The following TSHZ2 variants were observed in gnomAD, a reference collection of about 807,000 sequenced individuals.
TSHZ2 encodes teashirt zinc finger homeobox 2.
Under a neutral mutation model 74.4 loss-of-function variants are expected in TSHZ2, and 21 were observed. That is an observed-to-expected ratio of 0.28 (90% CI 0.20 to 0.41). The LOEUF is 0.41. TSHZ2 is among the 10% of genes least tolerant of loss of function. The pLI is 1.00. For synonymous variants in TSHZ2, 540 were observed against 515.3 expected (o/e 1.05, Z -0.65); for missense variants, 1,244 against 1,293.5 (o/e 0.96, Z 0.59).
intron 1 of TSHZ2, among the ~76,000 whole-genome samples, chr20:53,111,946 G>C (rs1986545014): frequency 6.6e-6 from 1 of 152,154 alleles, no homozygotes; most frequent in Non-Finnish European, 1.5e-5. Context: ...CCATGCCTTG[G>C]TGCTGCCACC....
intron 1 of TSHZ2, among the ~76,000 whole-genome samples, chr20:53,147,793 T>C (rs529368329): frequency 2.0e-3 from 300 of 152,352 alleles, no homozygotes; most frequent in African/African-American, 6.6e-3. Flanking sequence ...CTCTGCTCAC[T>C]GCAACCTCCA....
At chr20:53,125,288 A>T (rs1986916563) in intron 1 of TSHZ2, among the ~76,000 whole-genome samples, 1 of 152,232 alleles carries the variant, frequency 6.6e-6, no homozygotes, top group African/African-American at 2.4e-5. Flanking sequence ...GTCAACAGCA[A>T]GTCCTCCCTG....
chr20:53,375,725 T>A (rs886534886), intron 2 of TSHZ2, among the ~76,000 whole-genome samples: 13 of 152,120 alleles, frequency 8.5e-5, no homozygotes, highest in African/African-American at 3.1e-4. Flanking sequence ...AAATTGCCAT[T>A]TGCCCTTTTT....
chr20:53,308,137 A>C (rs1996016), intron 2 of TSHZ2, among the ~76,000 whole-genome samples: 19,101 of 152,220 alleles, frequency 0.13, 1,444 homozygotes, highest in African/African-American at 0.2. Flanking sequence ...ATATTTATCA[A>C]ATGGAGAAAA....
At chr20:53,368,541 C>T (rs998077320) in intron 2 of TSHZ2, among the ~76,000 whole-genome samples, 7 of 152,156 alleles carry the variant, frequency 4.6e-5, no homozygotes, top group Non-Finnish European at 1.0e-4. Context: ...GAACTCCTGA[C>T]CTCAAGTGAT....
intron 1 of TSHZ2, among the ~76,000 whole-genome samples, chr20:53,149,340 G>C (rs972408675): frequency 3.3e-4 from 50 of 152,056 alleles, no homozygotes; most frequent in Admixed American, 2.0e-4. Flanking sequence ...TTCTGGAAGG[G>C]CTCAGTGTCT....
chr20:53,478,431 A>G (rs1986046797), intron 2 of TSHZ2, among the ~76,000 whole-genome samples: 1 of 149,918 alleles, frequency 6.7e-6, no homozygotes, highest in African/African-American at 2.5e-5. Flanking sequence ...CAAACACTGC[A>G]TATTCTCACT....
intron 1 of TSHZ2, among the ~76,000 whole-genome samples, chr20:53,008,066 C>A (rs1291222803): frequency 1.3e-5 from 2 of 151,406 alleles, no homozygotes; most frequent in East Asian, 1.9e-4. Flanking sequence ...ATATTCAAGG[C>A]AAAAAAGACC....
intron 2 of TSHZ2, among the ~76,000 whole-genome samples, chr20:53,479,441 A>G (rs1986086977): frequency 6.6e-6 from 1 of 152,176 alleles, no homozygotes; most frequent in Non-Finnish European, 1.5e-5. Flanking sequence ...CACCGTGAAC[A>G]TGTCAGTGGT....
intron 2 of TSHZ2, among the ~76,000 whole-genome samples, chr20:53,339,358 C>A (rs1980084472): frequency 6.6e-6 from 1 of 152,056 alleles, no homozygotes; most frequent in African/African-American, 2.4e-5. Flanking sequence ...TTGTCCCCAG[C>A]CTCAAGCTCT....
chr20:53,147,567 G>T (rs1385997284), intron 1 of TSHZ2, among the ~76,000 whole-genome samples: 2 of 152,122 alleles, frequency 1.3e-5, no homozygotes, highest in Non-Finnish European at 2.9e-5. Context: ...CATTAGAAAA[G>T]AAATTTTTGA....
chr20:53,192,308 C>T (rs199961923), intron 1 of TSHZ2, among the ~76,000 whole-genome samples: 1 of 140,048 alleles, frequency 7.1e-6, no homozygotes, highest in Non-Finnish European at 1.6e-5. Flanking sequence ...AAAAAAAAAA[C>T]AAAAAAACAA....
intron 2 of TSHZ2, among the ~76,000 whole-genome samples, chr20:53,409,107 T>C (rs1982950761): frequency 6.6e-6 from 1 of 152,196 alleles, no homozygotes; most frequent in African/African-American, 2.4e-5. Flanking sequence ...CTGTATCATA[T>C]TGCTGAGAGC....
rs575787388 is a variant in TSHZ2, at chr20:53,036,874, G to A, written c.40+63541G>A. On this transcript the variant is annotated intron_variant, in intron 1 of 2. Coordinates refer to ENST00000371497, the MANE Select transcript of TSHZ2 (RefSeq NM_173485.6). ...ATGTGTAGATAGACATCTCTTTAAT[G>A]GAATCATATTGCTTATATTTGCTGT... Among the ~76,000 whole-genome samples, 66 of 149,508 alleles carry A rather than the reference G, an allele frequency of 4.4e-4. 1 individual carries two copies. In the South Asian group the frequency reaches 0.013, roughly 29 times the overall value.
At chr20:53,187,236 A>G (rs1988621197) in intron 1 of TSHZ2, among the ~76,000 whole-genome samples, 1 of 152,160 alleles carries the variant, frequency 6.6e-6, no homozygotes. Flanking sequence ...CCAAGAAAAC[A>G]TTGCAGTATT....
intron 1 of TSHZ2, among the ~76,000 whole-genome samples, chr20:53,140,762 C>T (rs1279844294): frequency 6.6e-6 from 1 of 152,126 alleles, no homozygotes; most frequent in Non-Finnish European, 1.5e-5. Flanking sequence ...CTTCCCAGAC[C>T]TTCTGCCGTT....
intron 2 of TSHZ2, among the ~76,000 whole-genome samples, chr20:53,334,846 G>A (rs1600816017): frequency 6.6e-6 from 1 of 152,010 alleles, no homozygotes; most frequent in Non-Finnish European, 1.5e-5. Flanking sequence ...ACCACGCCTG[G>A]CTAATTTTTG....
chr20:52,998,460 A>T (rs1222347122), intron 1 of TSHZ2, among the ~76,000 whole-genome samples: 2 of 152,122 alleles, frequency 1.3e-5, no homozygotes, highest in African/African-American at 4.8e-5. Context: ...GAGCCACTGC[A>T]CCTGGCCAAA....
At chr20:53,430,514 CAAG>C (rs1273115122) in intron 2 of TSHZ2, among the ~76,000 whole-genome samples, 3 of 151,734 alleles carry the variant, frequency 2.0e-5, no homozygotes, top group Non-Finnish European at 4.4e-5. Flanking sequence ...AATCAGAAAT[CAAG>C]AAGGTTATAT....
Sources: allele counts gnomAD v4.1 joint callset (sites outside exome capture counted in the v4.1 genomes callset), GRCh38; gene constraint gnomAD v4.1.1; transcripts MANE v1.5; gene names NCBI Gene and HGNC (gene_info 2026-07-23, HGNC 2026-07-21).